FRMPD2: variants seen among roughly 807,000 people sequenced by gnomAD.
FRMPD2 encodes FERM and PDZ domain-containing protein 2.
In FRMPD2, 96 loss-of-function variants were observed where a neutral mutation model predicts 140.1. The ratio of observed to expected loss-of-function variants is 0.69; its 90% confidence interval spans 0.58 to 0.81. The LOEUF is 0.81. Ranked by LOEUF, FRMPD2 falls within the 40% of genes least tolerant of loss-of-function variation. FRMPD2 has a pLI of 0.00. For missense variants in FRMPD2, 1,240 were observed against 1,447.4 expected (o/e 0.86, Z 2.32); for synonymous variants, 449 against 547.6 (o/e 0.82, Z 2.52).
chr10:48,242,367 G>A lies in FRMPD2; in HGVS notation c.376-15C>T. The A allele has an allele frequency of 1.2e-6, 2 of 1,607,512 alleles. No homozygotes were observed. Among genetic ancestry groups the A allele is most frequent in the East Asian group, 2.2e-5 (1 of 44,758 alleles). Reference sequence around the variant, plus strand: ...AGCTGCAGGGGCTGGAGGCAGACAGGGCCGGTGAGAGGAGAGAGCAGCCAG... The same window carrying A: ...AGCTGCAGGGGCTGGAGGCAGACAGAGCCGGTGAGAGGAGAGAGCAGCCAG... On this transcript the variant is annotated splice_polypyrimidine_tract_variant and intron_variant, in intron 4 of 28. Transcript: ENST00000374201.
chr10:48,264,626 G>T (rs940791929), intron 1 of FRMPD2, among the ~76,000 whole-genome samples: 1 of 151,952 alleles, frequency 6.6e-6, no homozygotes, highest in Non-Finnish European at 1.5e-5. Flanking sequence ...TCTGATGAAA[G>T]AAATAAAAAT....
chr10:48,260,453 T>C (rs1163876089), intron 1 of FRMPD2, among the ~76,000 whole-genome samples: 1 of 152,172 alleles, frequency 6.6e-6, no homozygotes, highest in East Asian at 1.9e-4. Context: ...TCCTGTGTCT[T>C]TTGTTCTATT....
intron 1 of FRMPD2, among the ~76,000 whole-genome samples, chr10:48,270,012 A>T (rs891153002): frequency 1.8e-4 from 27 of 152,220 alleles, no homozygotes; most frequent in Admixed American, 1.5e-3. Flanking sequence ...GCCAGCTGGG[A>T]TAAGGGATGA....
intron 21 of FRMPD2, among the ~76,000 whole-genome samples, chr10:48,180,371 A>G (rs1184057606): frequency 6.6e-6 from 1 of 152,138 alleles, no homozygotes; most frequent in Non-Finnish European, 1.5e-5. Context: ...TCCAGATCCC[A>G]TCTTCTTCCT....
intron 10 of FRMPD2, among the ~76,000 whole-genome samples, chr10:48,231,540 C>T (rs559555622): frequency 3.3e-5 from 5 of 152,318 alleles, no homozygotes; most frequent in African/African-American, 1.2e-4. Context: ...TAAAGGCTTG[C>T]CCTTGCCCAA....
intron 5 of FRMPD2, 62 bp from the exon 6 acceptor site, chr10:48,240,554 A>T: frequency 6.3e-7 from 1 of 1,599,266 alleles, no homozygotes; most frequent in Non-Finnish European, 8.5e-7. Context: ...TTTTATAGAT[A>T]CATGCAAACT....
chr10:48,236,182 T>C (rs935731088), intron 9 of FRMPD2, among the ~76,000 whole-genome samples: 6 of 152,184 alleles, frequency 3.9e-5, no homozygotes, highest in African/African-American at 1.4e-4. Flanking sequence ...TTTGTTTCAT[T>C]CGCAGCATAG....
At chr10:48,173,532 C>T (rs1409437520) in intron 24 of FRMPD2, among the ~76,000 whole-genome samples, 1 of 151,750 alleles carries the variant, frequency 6.6e-6, no homozygotes, top group Non-Finnish European at 1.5e-5. Flanking sequence ...CTCTCACTGC[C>T]AGTGACCCGC....
chr10:48,188,185 A>G (rs1306622386), intron 16 of FRMPD2, among the ~76,000 whole-genome samples: 1 of 152,086 alleles, frequency 6.6e-6, no homozygotes, highest in Non-Finnish European at 1.5e-5. Context: ...CAGCAATCTC[A>G]CAGCTTCAAG....
At chr10:48,207,306 T>C (rs536028659) in intron 13 of FRMPD2, among the ~76,000 whole-genome samples, 3 of 152,332 alleles carry the variant, frequency 2.0e-5, no homozygotes, top group African/African-American at 4.8e-5. Context: ...AGATTTCTTT[T>C]CCTTGTTGTG....
chr10:48,174,425 T>C (rs1367025563), intron 24 of FRMPD2, among the ~76,000 whole-genome samples: 3 of 152,076 alleles, frequency 2.0e-5, no homozygotes, highest in African/African-American at 7.2e-5. Context: ...CACGCCCTGG[T>C]GGGTACAACA....
At chr10:48,207,140 CTTTT>C (rs72320753) in intron 13 of FRMPD2, among the ~76,000 whole-genome samples, 3 of 141,276 alleles carry the variant, frequency 2.1e-5, no homozygotes, top group Non-Finnish European at 3.1e-5. Context: ...TAGAATTTTC[CTTTT>C]TTTTTTTTTT....
chr10:48,231,274 G>C (rs1340112758), intron 10 of FRMPD2, among the ~76,000 whole-genome samples: 2 of 152,182 alleles, frequency 1.3e-5, no homozygotes, highest in Non-Finnish European at 2.9e-5. Context: ...ATAAGGGAGG[G>C]TCACTCATGC....
chr10:48,249,235 C>A (rs1383496081), intron 2 of FRMPD2, 57 bp from the exon 3 acceptor site: 2 of 1,570,910 alleles, frequency 1.3e-6, no homozygotes, highest in African/African-American at 1.4e-5. Context: ...GGGGTGCCAG[C>A]ATGGGACTGT....
chr10:48,182,813 G>A (rs1838583726), intron 20 of FRMPD2, among the ~76,000 whole-genome samples: 1 of 152,196 alleles, frequency 6.6e-6, no homozygotes, highest in African/African-American at 2.4e-5. Context: ...ATTGTGATTT[G>A]GTCACCTGCA....
rs782018279 is a variant in FRMPD2, at chr10:48,173,048, G to A, written c.3121C>T (p.Gln1041Ter). 4 of 884,642 alleles carry A rather than the reference G, an allele frequency of 4.5e-6. No individual in the cohort carries two copies. Among genetic ancestry groups the A allele is most frequent in the South Asian group, 4.0e-5 (3 of 75,158 alleles). The allele number at this position is 884,642 out of a possible 1,614,324, so 54.8% of individuals were successfully genotyped here. ...ATGCTGTCATTAGCAGAAGGACACT[G>A]CTGTGTACTCCTGGGGACTCTTCTC... The part of the protein sequence containing the change: ...LERRVPRSTQ[Q>*]CPSANDSMGD... Residue 1041 changes from glutamine to a stop codon, truncating the protein, a stop_gained, in exon 25 of 29, where the codon CAG (glutamine) becomes TAG (stop). Coordinates refer to ENST00000374201, the MANE Select transcript of FRMPD2 (RefSeq NM_001018071.4). LOFTEE classifies it high-confidence loss of function.
intron 13 of FRMPD2, among the ~76,000 whole-genome samples, chr10:48,210,687 T>C (rs1167878045): frequency 6.6e-6 from 1 of 152,252 alleles, no homozygotes; most frequent in Non-Finnish European, 1.5e-5. Flanking sequence ...TGGAGTGCCC[T>C]GATCATGCTT....
intron 7 of FRMPD2, among the ~76,000 whole-genome samples, chr10:48,238,927 G>A (rs1289176809): frequency 6.6e-6 from 1 of 152,192 alleles, no homozygotes; most frequent in African/African-American, 2.4e-5. Flanking sequence ...AGAATGAAGT[G>A]GAAATGATGG....
At chr10:48,261,457 C>T (rs893371833) in intron 1 of FRMPD2, among the ~76,000 whole-genome samples, 28 of 152,032 alleles carry the variant, frequency 1.8e-4, no homozygotes, top group African/African-American at 6.5e-4. Flanking sequence ...TTACAATGGG[C>T]TTCTCTTCAC....
Sources: allele counts gnomAD v4.1 joint callset (sites outside exome capture counted in the v4.1 genomes callset), GRCh38; gene constraint gnomAD v4.1.1; transcripts MANE v1.5; gene names NCBI Gene and HGNC (gene_info 2026-07-23, HGNC 2026-07-21).